The following ZNF439 variants were observed in gnomAD, a reference collection of about 807,000 sequenced individuals.
The protein encoded by ZNF439 is zinc finger protein 439.
ZNF439 carries 40 observed loss-of-function variants against 47.3 expected under a neutral mutation model. The observed-to-expected ratio is 0.85, with a 90% CI of 0.66 to 1.10. The LOEUF (loss-of-function observed/expected upper bound fraction) is 1.10. ZNF439 is among the 50% of genes least tolerant of loss of function. The pLI, the probability that ZNF439 is intolerant of heterozygous loss-of-function variation, is 0.00. For missense variants in ZNF439, 556 were observed against 601.1 expected, an observed-to-expected ratio of 0.93 and a Z score of 0.78; for synonymous variants, 171 against 198.8, an observed-to-expected ratio of 0.86 and a Z score of 1.18.
At chr19:11,854,423 C>A (rs1028353666) in intron 1 of ZNF439, among the ~76,000 whole-genome samples, 3 of 152,190 alleles carry the variant, frequency 2.0e-5, no homozygotes, top group African/African-American at 7.2e-5. Flanking sequence ...TAATGGGAAT[C>A]CATAGCCCAG....
chr19:11,862,250 G>A (rs1266026040), intron 1 of ZNF439, among the ~76,000 whole-genome samples: 2 of 152,004 alleles, frequency 1.3e-5, no homozygotes, highest in Non-Finnish European at 2.9e-5. Flanking sequence ...CCATTGTACG[G>A]ATGTTACCAT....
intron 1 of ZNF439, among the ~76,000 whole-genome samples, chr19:11,865,237 C>T (rs62110839): frequency 0.19 from 28,680 of 152,104 alleles, 3,660 homozygotes; most frequent in Non-Finnish European, 0.27. Context: ...GTGCTCATTA[C>T]ACCTGGGTAT....
chr19:11,864,270 C>T (rs1976615036), intron 1 of ZNF439, among the ~76,000 whole-genome samples: 1 of 152,016 alleles, frequency 6.6e-6, no homozygotes, highest in African/African-American at 2.4e-5. Flanking sequence ...TGTCACATGC[C>T]TTTTCTGCCT....
Position 11,868,495 on chromosome 19 carries a change from A to C in ZNF439, c.1441A>C (p.Arg481=). The change falls in exon 4 of 4, where the codon AGA becomes CGA. Residue 481 remains arginine (R), a synonymous_variant. Coordinates refer to ENST00000682736, the MANE Select transcript of ZNF439 (RefSeq NM_001348719.2). ...YECKKCGKAF[R]YVQNFRFHER... ...ATGTAAGAAATGTGGGAAAGCCTTC[A>C]GATATGTCCAGAACTTTCGATTTCA... The C allele has an allele frequency of 6.2e-7, 1 of 1,613,198 alleles. No homozygotes were observed. Among genetic ancestry groups the C allele is most frequent in the Non-Finnish European group, 8.5e-7 (1 of 1,179,736 alleles).
chr19:11,851,093 G>A (rs965409486), intron 1 of ZNF439: 4 of 152,046 alleles, frequency 2.6e-5, no homozygotes, highest in South Asian at 4.2e-4. Context: ...CCAACACAGC[G>A]AGACCCTGTC....
chr19:11,868,174 T>C lies in ZNF439; in HGVS notation c.1120T>C (p.Phe374Leu). 6.2e-7 allele frequency: 1 copy of C among 1,614,030 alleles called. No homozygotes were observed. Among genetic ancestry groups the C allele is most frequent in the Middle Eastern group, 1.6e-4 (1 of 6,062 alleles). The change falls in exon 4 of 4, where the codon TTT becomes CTT. Residue 374 changes from phenylalanine (F) to leucine (L), a missense_variant. Physicochemically the swap from Phe to Leu is conservative, Grantham distance 22. Transcript: ENST00000682736. ...GAAAGGCTTTTATTCTGCCAAGTCA[T>C]TTCAAAGACATGAAAAAACTCACAG... ...CGKGFYSAKS[F>L]QRHEKTHSGE...
intron 1 of ZNF439, 192 bp downstream of exon 1, chr19:11,849,122 C>T: frequency 8.7e-7 from 1 of 1,154,428 alleles, no homozygotes; most frequent in Non-Finnish European, 1.1e-6. Context: ...CCGTCCCTGC[C>T]CGTCGACTGC....
chr19:11,849,155 T>G, intron 1 of ZNF439: 27 of 1,103,988 alleles, frequency 2.4e-5, no homozygotes, highest in Non-Finnish European at 3.0e-5. Context: ...GAAGCCCTTT[T>G]GTGCAGCTCC....
rs996142333 is a variant in ZNF439 at position 11,868,160 on chromosome 19, A to T, written c.1106A>T (p.Tyr369Phe). Residue 369 changes from tyrosine to phenylalanine, a missense_variant, in exon 4 of 4, where the codon TAT (tyrosine) becomes TTT (phenylalanine). By Grantham distance (22) the Tyr-to-Phe change is conservative. Transcript: ENST00000682736. ...TGTAAGACATGTGGGAAAGGCTTTT[A>T]TTCTGCCAAGTCATTTCAAAGACAT... is the stretch of plus-strand genomic sequence containing the variant. Reference protein sequence around the residue: ...YECKTCGKGFYSAKSFQRHEK... With the variant: ...YECKTCGKGFFSAKSFQRHEK... The T allele has an allele frequency of 6.2e-7, 1 of 1,613,990 alleles. No homozygotes were observed. Among genetic ancestry groups the T allele is most frequent in the African/African-American group, 1.3e-5 (1 of 74,894 alleles).
intron 1 of ZNF439, chr19:11,856,786 A>G (rs1976398023): frequency 6.6e-6 from 1 of 152,386 alleles, no homozygotes; most frequent in East Asian, 1.9e-4. Flanking sequence ...AGAACAAACC[A>G]GTTTATCTGC....
intron 1 of ZNF439, among the ~76,000 whole-genome samples, chr19:11,858,894 G>T (rs1976465696): frequency 6.6e-6 from 1 of 152,172 alleles, no homozygotes; most frequent in African/African-American, 2.4e-5. Flanking sequence ...TCCCTGTAGG[G>T]ACTTTTCTAA....
chr19:11,851,662 A>ATT (rs59080807), intron 1 of ZNF439, among the ~76,000 whole-genome samples: 9 of 145,844 alleles, frequency 6.2e-5, no homozygotes, highest in African/African-American at 1.7e-4. Flanking sequence ...CAATAATTTA[A>ATT]TTTTTTTTTT....
At chr19:11,866,162 G>T (rs202001301) in intron 1 of ZNF439, 43 bp from the exon 2 acceptor site, 1 of 1,612,794 alleles carries the variant, frequency 6.2e-7, no homozygotes, top group Admixed American at 1.7e-5. Flanking sequence ...CCCCAATGCT[G>T]TCACTCTCAC....
chr19:11,866,214 G>GC lies in ZNF439; in HGVS notation c.74dup (p.Lys27Ter). The GC allele has an allele frequency of 6.2e-7, 1 of 1,614,142 alleles. No homozygotes were observed. The highest frequency in any genetic ancestry group is 8.5e-7 in the Non-Finnish European group (1 of 1,180,030). On this transcript the variant is annotated frameshift_variant, in exon 2 of 4. Coordinates refer to ENST00000682736, the MANE Select transcript of ZNF439 (RefSeq NM_001348719.2). LOFTEE classifies it high-confidence loss of function. Reference sequence around the variant, plus strand: ...ATGTGAGATGTTTCAGGACCCAGTGGCTTTTAAGGATGTGGCTGTGAACTT... The same window carrying GC: ...ATGTGAGATGTTTCAGGACCCAGTGGCCTTTTAAGGATGTGGCTGTGAACTT...
At position 11,868,035 on chromosome 19, in the gene ZNF439, GA is replaced by G; in HGVS notation, c.987del (p.Lys329AsnfsTer22). On this transcript the variant is annotated frameshift_variant, in exon 4 of 4. Transcript: ENST00000682736. LOFTEE classifies it high-confidence loss of function. Reference sequence around the variant, plus strand: ...GTAGACATGAAAGGACCCACTCTAGGAAAAAACTTTATGAATGTAAGCAGTG... The same window carrying G: ...GTAGACATGAAAGGACCCACTCTAGGAAAAACTTTATGAATGTAAGCAGTG... ...VRRHERTHSR[K>X]KLYECKQCGK... 1 of 1,614,062 alleles carries G rather than the reference GA, an allele frequency of 6.2e-7. No homozygotes were observed. The highest frequency in any genetic ancestry group is 8.5e-7 in the Non-Finnish European group (1 of 1,180,002).
rs1976787669 is a variant in ZNF439, at chr19:11,868,730, CTA to C, written c.*163_*164del. The C allele has an allele frequency of 2.1e-5, 17 of 796,350 alleles. No individual in the cohort carries two copies. The East Asian group carries it at 2.2e-4, about 10-fold the overall frequency. The allele number at this position is 796,350 out of a possible 1,614,324, so 49.3% of individuals were successfully genotyped here. A position where few individuals can be genotyped will look rare whatever the true frequency, so the allele number is the denominator to read the frequency against. On this transcript the variant is annotated 3_prime_UTR_variant, in exon 4 of 4. Transcript: ENST00000682736. ...AAAGGACTCACAGTGGAGAAAAACTCTATGAGTGTAAGCAATGTGGGAAAGTC... is the reference window on the plus strand; with the variant it reads ...AAAGGACTCACAGTGGAGAAAAACTCTGAGTGTAAGCAATGTGGGAAAGTC...
At chr19:11,849,248 C>G in intron 1 of ZNF439, 1 of 1,027,598 alleles carries the variant, frequency 9.7e-7, no homozygotes, top group South Asian at 3.4e-5. Context: ...GGATTTCGTC[C>G]GTAGGAGGAG....
rs1350378595 is a variant in ZNF439, at chr19:11,868,712, TCA to T, written c.*146_*147del. The T allele has an allele frequency of 3.3e-6, 3 of 923,046 alleles. No homozygotes were observed. The African/African-American group carries it at 5.0e-5, about 15-fold the overall frequency. 57.2% of individuals were successfully genotyped at this position (923,046 alleles called of 1,614,324 possible). A position where few individuals can be genotyped will look rare whatever the true frequency, so the allele number is the denominator to read the frequency against. ...AGTTCCTTTCGATATCTAAAAGGAC[TCA>T]CAGTGGAGAAAAACTCTATGAGTGT... On this transcript the variant is annotated 3_prime_UTR_variant, in exon 4 of 4. Coordinates refer to ENST00000682736, the MANE Select transcript of ZNF439 (RefSeq NM_001348719.2).
intron 1 of ZNF439, among the ~76,000 whole-genome samples, chr19:11,852,733 C>T (rs1261146218): frequency 6.6e-6 from 1 of 152,140 alleles, no homozygotes; most frequent in Non-Finnish European, 1.5e-5. Context: ...TGGTCTCCAA[C>T]TCCTGTCCTC....
Sources: allele counts gnomAD v4.1 joint callset (sites outside exome capture counted in the v4.1 genomes callset), GRCh38; gene constraint gnomAD v4.1.1; transcripts MANE v1.5; gene names NCBI Gene and HGNC (gene_info 2026-07-23, HGNC 2026-07-21).